Variants in TDRD3 observed in about 807,000 individuals in gnomAD.
TDRD3 encodes tudor domain-containing protein 3.
Under a neutral mutation model 86.7 loss-of-function variants are expected in TDRD3, and 45 were observed. That is an observed-to-expected ratio of 0.52 (90% CI 0.41 to 0.67). The LOEUF is 0.67. Among genes scored for constraint, TDRD3 ranks in the 30% least tolerant of loss-of-function variants. TDRD3 has a pLI of 0.00. For missense variants in TDRD3, 814 were observed against 889.0 expected (o/e 0.92, Z 1.07); for synonymous variants, 298 against 301.7 (o/e 0.99, Z 0.13).
chr13:60,542,584 TCCTTTATAAGTC>T (rs1194636195), intron 12 of TDRD3, among the ~76,000 whole-genome samples: 11 of 152,326 alleles, frequency 7.2e-5, no homozygotes, highest in Admixed American at 1.3e-4. Context: ...GCAGCTTCTC[TCCTTTATAAGTC>T]AGTGATGGTG....
At chr13:60,461,629 A>G (rs1196421023) in intron 4 of TDRD3, among the ~76,000 whole-genome samples, 2 of 152,190 alleles carry the variant, frequency 1.3e-5, no homozygotes, top group Non-Finnish European at 2.9e-5. Context: ...GCAGGCATTT[A>G]TCAGGTGTTC....
chr13:60,464,571 TACACACAC>T (rs910404597), intron 4 of TDRD3, among the ~76,000 whole-genome samples: 1 of 148,090 alleles, frequency 6.8e-6, no homozygotes, highest in South Asian at 2.1e-4. Flanking sequence ...TGTATACACA[TACACACAC>T]ACACATACAC....
intron 1 of TDRD3, among the ~76,000 whole-genome samples, chr13:60,400,906 A>G (rs1384716033): frequency 3.3e-5 from 5 of 152,332 alleles, no homozygotes; most frequent in Non-Finnish European, 5.9e-5. Flanking sequence ...TTCAGTACTC[A>G]TTTCCACCAA....
At chr13:60,511,095 T>C (rs1460737384) in intron 10 of TDRD3, among the ~76,000 whole-genome samples, 1 of 152,088 alleles carries the variant, frequency 6.6e-6, no homozygotes, top group African/African-American at 2.4e-5. Context: ...AATTGATATA[T>C]CTCTTCTTTC....
intron 8 of TDRD3, among the ~76,000 whole-genome samples, chr13:60,499,472 T>G (rs1049980226): frequency 1.3e-5 from 2 of 152,256 alleles, no homozygotes; most frequent in African/African-American, 4.8e-5. Flanking sequence ...TTTACTGTCC[T>G]TCCTCAGGGG....
intron 10 of TDRD3, among the ~76,000 whole-genome samples, chr13:60,512,940 C>T (rs1412629715): frequency 6.6e-6 from 1 of 152,186 alleles, no homozygotes; most frequent in African/African-American, 2.4e-5. Flanking sequence ...GAGCAGTGCC[C>T]AGTGGTGAAC....
chr13:60,553,794 C>T (rs1481527819), intron 12 of TDRD3, among the ~76,000 whole-genome samples: 1 of 152,096 alleles, frequency 6.6e-6, no homozygotes, highest in Non-Finnish European at 1.5e-5. Context: ...CAGGTCCCTC[C>T]ATTGACATGT....
rs36139602 is a variant in TDRD3, at chr13:60,563,232, T to TAAAAA, written c.2119-4282_2119-4278dup. On this transcript the variant is annotated intron_variant, in intron 12 of 13. Transcript: ENST00000377881. ...GACAGAGCAAGACTCCATATCAATT[T>TAAAAA]AAAAAAAAAAAAAAAGGCAAGGCGA... 9.8e-3 allele frequency among the ~76,000 whole-genome samples: 1,319 copies of TAAAAA among 134,988 alleles called. 36 individuals are homozygous for TAAAAA. Among genetic ancestry groups the TAAAAA allele is most frequent in the African/African-American group, 0.034 (1,222 of 35,890 alleles). 88.6% of individuals were successfully genotyped at this position (134,988 alleles called of 152,430 possible). A position where few individuals can be genotyped will look rare whatever the true frequency, so the allele number is the denominator to read the frequency against.
intron 1 of TDRD3, among the ~76,000 whole-genome samples, chr13:60,432,615 C>T (rs949281509): frequency 6.6e-6 from 1 of 152,052 alleles, no homozygotes; most frequent in Non-Finnish European, 1.5e-5. Flanking sequence ...ACAGTTTAGG[C>T]AGAGTGAACA....
intron 1 of TDRD3, among the ~76,000 whole-genome samples, chr13:60,420,938 C>T (rs1211268862): frequency 1.3e-5 from 2 of 151,808 alleles, no homozygotes; most frequent in South Asian, 2.1e-4. Flanking sequence ...ACTGAGACTC[C>T]GTCTCAAAAA....
intron 5 of TDRD3, among the ~76,000 whole-genome samples, chr13:60,470,775 GT>G (rs1956061635): frequency 1.3e-5 from 2 of 151,872 alleles, no homozygotes; most frequent in Non-Finnish European, 2.9e-5. Flanking sequence ...TAGAGACGGG[GT>G]TTCACTATGT....
At chr13:60,416,688 C>T (rs1954525387) in intron 1 of TDRD3, among the ~76,000 whole-genome samples, 1 of 152,150 alleles carries the variant, frequency 6.6e-6, no homozygotes, top group Non-Finnish European at 1.5e-5. Context: ...TGCTGAAATG[C>T]TTTTGCTAAA....
chr13:60,573,697 A>G lies in TDRD3; in HGVS notation c.*91A>G. 1.0e-6 allele frequency: 1 copy of G among 966,212 alleles called. No homozygotes were observed. Among genetic ancestry groups the G allele is most frequent in the Non-Finnish European group, 1.2e-6 (1 of 812,384 alleles). 59.9% of individuals were successfully genotyped at this position (966,212 alleles called of 1,614,324 possible). On this transcript the variant is annotated 3_prime_UTR_variant, in exon 14 of 14. Coordinates refer to ENST00000377881, the MANE Select transcript of TDRD3 (RefSeq NM_001146070.2). ...AGACCTTCCACTTTCTCTTCAGAAT[A>G]AGTAGCTGTGGTGGATATTATTATT... is the stretch of plus-strand genomic sequence containing the variant.
In TDRD3 at chr13:60,549,590, G is replaced by A. The variant is rs942289754; in HGVS notation, c.2118+14357G>A. ...TTCTAAGACACGTGTGTGTGTGCAC[G>A]TGTATGTGCACGTGGACAAACGTGA... On this transcript the variant is annotated intron_variant, in intron 12 of 13. Coordinates refer to ENST00000377881, the MANE Select transcript of TDRD3 (RefSeq NM_001146070.2). Among the ~76,000 whole-genome samples, 12 of 152,040 alleles carry A rather than the reference G, an allele frequency of 7.9e-5. No homozygotes were observed. The East Asian group carries it at 2.2e-3, about 28-fold the overall frequency.
intron 5 of TDRD3, among the ~76,000 whole-genome samples, chr13:60,478,517 G>A (rs1272834378): frequency 1.3e-5 from 2 of 151,728 alleles, no homozygotes; most frequent in African/African-American, 4.8e-5. Flanking sequence ...GTTGGCCAGG[G>A]TGGTCTCAAA....
chr13:60,402,214 CTTTG>C (rs1043612850), intron 1 of TDRD3, among the ~76,000 whole-genome samples: 3 of 152,148 alleles, frequency 2.0e-5, no homozygotes, highest in Non-Finnish European at 2.9e-5. Context: ...ACTGCTGTGC[CTTTG>C]TTTGTTTGGT....
intron 10 of TDRD3, among the ~76,000 whole-genome samples, chr13:60,514,897 T>A (rs1362357188): frequency 6.6e-6 from 1 of 152,122 alleles, no homozygotes; most frequent in Non-Finnish European, 1.5e-5. Context: ...AAACAGACAA[T>A]AGTTGTATGT....
intron 1 of TDRD3, among the ~76,000 whole-genome samples, chr13:60,424,692 A>G (rs778225123): frequency 1.1e-4 from 16 of 152,174 alleles, no homozygotes; most frequent in Non-Finnish European, 1.8e-4. Context: ...ATAAATAAAA[A>G]TAAAGCATAT....
At chr13:60,469,839 C>T (rs183256911) in intron 5 of TDRD3, among the ~76,000 whole-genome samples, 18 of 152,204 alleles carry the variant, frequency 1.2e-4, no homozygotes, top group African/African-American at 4.1e-4. Flanking sequence ...AGTTTTAGTG[C>T]CCCCAAACTG....
Sources: gnomAD v4.1 joint callset for allele counts (sites outside exome capture counted in the v4.1 genomes callset) on GRCh38, gnomAD v4.1.1 for gene constraint, MANE v1.5 for transcripts, NCBI Gene and HGNC (gene_info 2026-07-23, HGNC 2026-07-21) for gene names.